DLC1: variants seen among roughly 807,000 people sequenced by gnomAD.
The protein encoded by DLC1 is rho GTPase-activating protein 7.
In DLC1, 54 loss-of-function variants were observed where a neutral mutation model predicts 140.3. The observed-to-expected ratio is 0.38, with a 90% CI of 0.31 to 0.48. The LOEUF (loss-of-function observed/expected upper bound fraction) is 0.48, where lower values mean the gene tolerates loss of function less well. Ranked by LOEUF, DLC1 falls within the 20% of genes least tolerant of loss-of-function variation. The pLI is 0.96. For missense variants in DLC1, 2,536 were observed against 1,907.0 expected, an observed-to-expected ratio of 1.33 and a Z score of -6.14; for synonymous variants, 986 against 728.1, an observed-to-expected ratio of 1.35 and a Z score of -5.70.
chr8:13,417,292 C>T, intron 2 of DLC1, among the ~76,000 whole-genome samples: 1 of 151,708 alleles, frequency 6.6e-6, no homozygotes, highest in Admixed American at 6.6e-5. Context: ...ATGTGCCATG[C>T]TGGTGTGCTG....
chr8:13,392,362 A>G (rs1203392773), intron 4 of DLC1, among the ~76,000 whole-genome samples: 1 of 152,218 alleles, frequency 6.6e-6, no homozygotes, highest in Non-Finnish European at 1.5e-5. Context: ...TTTATTCCAT[A>G]AAAATGTTTT....
At chr8:13,264,368 C>T (rs1830601789) in intron 5 of DLC1, among the ~76,000 whole-genome samples, 1 of 152,114 alleles carries the variant, frequency 6.6e-6, no homozygotes, top group Non-Finnish European at 1.5e-5. Flanking sequence ...CTACTGTGCC[C>T]AGCCCAGAAT....
intron 5 of DLC1, among the ~76,000 whole-genome samples, chr8:13,146,927 T>C (rs930275147): frequency 3.3e-5 from 5 of 152,216 alleles, no homozygotes; most frequent in African/African-American, 9.6e-5. Flanking sequence ...GAAGGAATGC[T>C]GACTAATGTA....
chr8:13,411,155 G>A (rs1837763040), intron 2 of DLC1, among the ~76,000 whole-genome samples: 1 of 152,100 alleles, frequency 6.6e-6, no homozygotes, highest in African/African-American at 2.4e-5. Flanking sequence ...GCTGAAGGTT[G>A]AACTAACCAA....
At chr8:13,431,703 C>T (rs1433590714) in intron 2 of DLC1, among the ~76,000 whole-genome samples, 1 of 151,494 alleles carries the variant, frequency 6.6e-6, no homozygotes, top group East Asian at 1.9e-4. Flanking sequence ...TAATTGTGGT[C>T]AGGGGGATAC....
intron 5 of DLC1, among the ~76,000 whole-genome samples, chr8:13,204,516 A>C (rs1355857276): frequency 3.3e-5 from 5 of 152,204 alleles, no homozygotes; most frequent in Non-Finnish European, 7.3e-5. Context: ...AATAATAATT[A>C]CAGATGGAGA....
intron 1 of DLC1, among the ~76,000 whole-genome samples, chr8:13,543,772 G>A (rs1803562308): frequency 1.3e-5 from 2 of 152,108 alleles, no homozygotes. Flanking sequence ...GTTCTCATCT[G>A]TAATTGGGAG....
intron 5 of DLC1, among the ~76,000 whole-genome samples, chr8:13,237,216 T>TGC (rs1829323303): frequency 1.5e-5 from 2 of 129,090 alleles, no homozygotes; most frequent in Non-Finnish European, 3.3e-5. Context: ...TGTGTGTGTG[T>TGC]GTGTGTGTAT....
intron 2 of DLC1, among the ~76,000 whole-genome samples, chr8:13,452,064 T>C (rs964715472): frequency 6.6e-6 from 1 of 152,266 alleles, no homozygotes; most frequent in South Asian, 2.1e-4. Context: ...TTTAGCTGCA[T>C]TTGACATCCA....
At chr8:13,484,233 T>C (rs1282672925) in intron 2 of DLC1, among the ~76,000 whole-genome samples, 1 of 152,180 alleles carries the variant, frequency 6.6e-6, no homozygotes, top group South Asian at 2.1e-4. Flanking sequence ...AGGAAATGGA[T>C]ATGAGAGATC....
chr8:13,323,861 C>A (rs1037968662), intron 4 of DLC1, among the ~76,000 whole-genome samples: 1 of 152,092 alleles, frequency 6.6e-6, no homozygotes, highest in Admixed American at 6.6e-5. Flanking sequence ...TTTTCTGATT[C>A]TAAAATAAAA....
At position 13,430,820 on chromosome 8, in the gene DLC1, A is replaced by G. The variant is rs189405125; in HGVS notation, c.1024-29201T>C. ...ACAAACTACTAGATTTGTAAATTGCATTTTATTGCTGCTAAATTTCCAATA... is the reference window on the plus strand; with the variant it reads ...ACAAACTACTAGATTTGTAAATTGCGTTTTATTGCTGCTAAATTTCCAATA... On this transcript the variant is annotated intron_variant, in intron 2 of 17. Transcript: ENST00000276297. Among the ~76,000 whole-genome samples the G allele has an allele frequency of 1.8e-3, 276 of 152,328 alleles. 3 individuals are homozygous for G. Among genetic ancestry groups the G allele is most frequent in the Middle Eastern group, 0.017 (5 of 294 alleles).
intron 5 of DLC1, chr8:13,214,573 T>TTTGTGGC: frequency 3.0e-6 from 2 of 662,588 alleles, no homozygotes; most frequent in African/African-American, 1.8e-5. Context: ...TTTTTTTTTT[T>TTTGTGGC]TGTGGCTGCC....
chr8:13,229,068 C>G (rs1398513872), intron 5 of DLC1, among the ~76,000 whole-genome samples: 1 of 152,174 alleles, frequency 6.6e-6, no homozygotes, highest in South Asian at 2.1e-4. Flanking sequence ...ACCCAGCAAT[C>G]CACTTCTAGG....
intron 2 of DLC1, among the ~76,000 whole-genome samples, chr8:13,452,152 A>T (rs1304076518): frequency 6.6e-6 from 1 of 151,574 alleles, no homozygotes; most frequent in South Asian, 2.1e-4. Context: ...GAGTTATCTA[A>T]TGAAAAATAT....
At chr8:13,481,302 C>G (rs1800724617) in intron 2 of DLC1, among the ~76,000 whole-genome samples, 1 of 152,034 alleles carries the variant, frequency 6.6e-6, no homozygotes, top group African/African-American at 2.4e-5. Context: ...TGGTGCATGC[C>G]TGTAGTTTTA....
chr8:13,106,007 C>T (rs1191480419), intron 7 of DLC1, among the ~76,000 whole-genome samples: 2 of 152,220 alleles, frequency 1.3e-5, no homozygotes, highest in Non-Finnish European at 2.9e-5. Context: ...TGGGCCTTTC[C>T]CATCCCCCTA....
intron 3 of DLC1, among the ~76,000 whole-genome samples, chr8:13,398,127 C>G (rs1375196025): frequency 1.7e-5 from 2 of 120,918 alleles, no homozygotes; most frequent in East Asian, 5.0e-4. Flanking sequence ...GAGAGTCCAT[C>G]TCAAAAAAAA....
intron 5 of DLC1, among the ~76,000 whole-genome samples, chr8:13,143,380 G>A (rs1016500010): frequency 6.6e-6 from 1 of 152,172 alleles, no homozygotes; most frequent in Non-Finnish European, 1.5e-5. Context: ...GATGCTTTTT[G>A]ACTTTTAATA....
Sources: gnomAD v4.1 joint callset for allele counts (sites outside exome capture counted in the v4.1 genomes callset) on GRCh38, gnomAD v4.1.1 for gene constraint, MANE v1.5 for transcripts, NCBI Gene and HGNC (gene_info 2026-07-23, HGNC 2026-07-21) for gene names.